Variants in PHEX observed in about 807,000 individuals in gnomAD.
PHEX encodes the protein phosphate regulating endopeptidase X-linked.
PHEX carries 16 observed loss-of-function variants against 68.0 expected under a neutral mutation model. That is an observed-to-expected ratio of 0.24 (90% CI 0.16 to 0.36). The LOEUF is 0.36. PHEX is among the 10% of genes least tolerant of loss of function. The probability of loss-of-function intolerance (pLI) is 1.00; values close to 1 mark genes in which losing one functional copy is unlikely to be tolerated. For missense variants in PHEX, 480 were observed against 575.5 expected (o/e 0.83, Z 1.70); for synonymous variants, 208 against 205.1 (o/e 1.01, Z -0.12).
chrX:22,224,995 C>CCTACAGCGCTGTATG (rs1935439800), intron 18 of PHEX, among the ~76,000 whole-genome samples: 1 of 3,205 alleles, frequency 3.1e-4, no homozygotes, highest in African/African-American at 1.2e-3. Flanking sequence ...CTCTGTATGT[C>CCTACAGCGCTGTATG]AGAAGTCTGA....
Position 22,159,905 on chromosome X carries a change from CAG to C in PHEX, c.1405-8401_1405-8400del, listed in dbSNP as rs1933061809. 2.7e-5 allele frequency among the ~76,000 whole-genome samples: 3 copies of C among 112,241 alleles called. No homozygotes were observed. In the Admixed American group the frequency reaches 2.8e-4, roughly 11 times the overall value. ...TTCTACAGACGAGGAACCTGAGGAA[CAG>C]AGAGATTCAGAAAATTCAGCTATTG... On this transcript the variant is annotated intron_variant, in intron 12 of 21. Coordinates refer to ENST00000379374, the MANE Select transcript of PHEX (RefSeq NM_000444.6).
Position 22,042,078 on chromosome X carries a change from G to A in PHEX, c.187+3541G>A, listed in dbSNP as rs752036785. On this transcript the variant is annotated intron_variant, in intron 2 of 21. Transcript: ENST00000379374. ...TGCAGAACAGCTGTGAGTACACATG[G>A]CAGGAGAATTACGGCCAAGCCAGGG... is the stretch of plus-strand genomic sequence containing the variant. 4.5e-5 allele frequency among the ~76,000 whole-genome samples: 5 copies of A among 111,587 alleles called. No homozygotes were observed. The South Asian group carries it at 1.5e-3, about 34-fold the overall frequency.
At chrX:22,211,610 G>A (rs759673183) in intron 15 of PHEX, among the ~76,000 whole-genome samples, 4 of 112,056 alleles carry the variant, frequency 3.6e-5, no homozygotes, top group Non-Finnish European at 7.5e-5. Context: ...CTTAATACAT[G>A]TACATTCTAC....
intron 2 of PHEX, among the ~76,000 whole-genome samples, chrX:22,041,265 C>CTCTCTCTCTCTCTCTATATA (rs1468778300): frequency 1.4e-5 from 1 of 72,823 alleles, no homozygotes; most frequent in African/African-American, 6.3e-5. Flanking sequence ...CTCTCTCTCT[C>CTCTCTCTCTCTCTCTATATA]TATATATATA....
In PHEX at chrX:22,247,766, C is replaced by A. The variant is rs770668374; in HGVS notation, c.2148-85C>A. 4.4e-6 allele frequency: 3 copies of A among 677,249 alleles called. No homozygotes were observed. The African/African-American group carries it at 6.4e-5, about 14-fold the overall frequency. The allele number at this position is 677,249 out of a possible 1,213,427, so 55.8% of individuals were successfully genotyped here. ...GATTAAAAGAATGCCAACCTTCTTT[C>A]TAGCAATATTCTGCTACAGTTTTAT... On this transcript the variant is annotated intron_variant, in intron 21 of 21. Coordinates refer to ENST00000379374, the MANE Select transcript of PHEX (RefSeq NM_000444.6).
At position 22,038,536 on chromosome X, in the gene PHEX, G is replaced by A. The variant is rs751752229; in HGVS notation, c.186G>A (p.Ala62=). The change falls in exon 2 of 22, where the codon GCG becomes GCA. Residue 62 remains alanine, a splice_region_variant and synonymous_variant. Transcript: ENST00000379374. The part of the protein sequence containing the change: ...EYCLKPECIE[A]AAAILSKVNL... Reference sequence around the variant, plus strand: ...GCCTGAAGCCAGAATGCATCGAAGCGGGTAAGTCACAGTTTTCCATCCTGT... The same window carrying A: ...GCCTGAAGCCAGAATGCATCGAAGCAGGTAAGTCACAGTTTTCCATCCTGT... 5 of 1,162,649 alleles carry A rather than the reference G, an allele frequency of 4.3e-6. No individual in the cohort carries two copies. The highest frequency in any genetic ancestry group is 3.6e-5 in the South Asian group (2 of 55,642).
chrX:22,170,898 C>T (rs1283898950), intron 13 of PHEX, among the ~76,000 whole-genome samples: 2 of 112,192 alleles, frequency 1.8e-5, no homozygotes, highest in Non-Finnish European at 3.8e-5. Context: ...TCTCTGGGGC[C>T]TGAACTGAAG....
chrX:22,183,668 A>G (rs934220312), intron 14 of PHEX, among the ~76,000 whole-genome samples: 22 of 110,931 alleles, frequency 2.0e-4, no homozygotes, highest in Admixed American at 3.9e-4. Context: ...TCACAGATCT[A>G]TATAATCTTG....
intron 12 of PHEX, among the ~76,000 whole-genome samples, chrX:22,148,066 A>G (rs1411515215): frequency 9.0e-6 from 1 of 111,398 alleles, no homozygotes; most frequent in African/African-American, 3.3e-5. Context: ...TTGCTGGCTT[A>G]AAACAAGTAT....
chrX:22,090,413 G>GT lies in PHEX; in HGVS notation c.664-11dup. 1 of 1,190,449 alleles carries GT rather than the reference G, an allele frequency of 8.4e-7. No individual in the cohort carries two copies. The highest frequency in any genetic ancestry group is 1.1e-6 in the Non-Finnish European group (1 of 876,425). Reference sequence around the variant, plus strand: ...TTACAGTGCTAGCAGAATGCTTTCTGTTTTTGTTTTTACAGCTGGACCAAG... The same window carrying GT: ...TTACAGTGCTAGCAGAATGCTTTCTGTTTTTTGTTTTTACAGCTGGACCAAG... On this transcript the variant is annotated splice_polypyrimidine_tract_variant and intron_variant, in intron 5 of 21. Transcript: ENST00000379374.
intron 5 of PHEX, among the ~76,000 whole-genome samples, chrX:22,078,608 G>A (rs1368796416): frequency 8.9e-6 from 1 of 111,786 alleles, no homozygotes; most frequent in East Asian, 2.8e-4. Context: ...AAAGTTCATC[G>A]TTTGATTGAA....
rs749596564 is a variant in PHEX, at chrX:22,135,090, C to T, written c.1404+1466C>T. The stretch of plus-strand genomic sequence containing the variant: ...ACTTTTGTCAGTAGATGTGAAAAGG[C>T]GTTTGTTCAGTGTTTATAATGAAGG... On this transcript the variant is annotated intron_variant, in intron 12 of 21. Coordinates refer to ENST00000379374, the MANE Select transcript of PHEX (RefSeq NM_000444.6). Among the ~76,000 whole-genome samples, 4 of 112,027 alleles carry T rather than the reference C, an allele frequency of 3.6e-5. No homozygotes were observed. In the East Asian group the frequency reaches 1.1e-3, roughly 31 times the overall value.
At chrX:22,151,933 G>C (rs7885919) in intron 12 of PHEX, among the ~76,000 whole-genome samples, 5 of 111,700 alleles carry the variant, frequency 4.5e-5, no homozygotes, top group Non-Finnish European at 7.5e-5. Context: ...AATTCTATCT[G>C]TGTGTGTCTT....
intron 18 of PHEX, among the ~76,000 whole-genome samples, chrX:22,224,827 G>T (rs1414351588): frequency 9.6e-6 from 1 of 104,700 alleles, no homozygotes; most frequent in South Asian, 4.4e-4. Context: ...GGGTGACTGG[G>T]CTAGCTTAAA....
chrX:22,232,596 CTTTTTTTTTTTTT>C (rs745474280), intron 20 of PHEX, among the ~76,000 whole-genome samples: 61 of 18,550 alleles, frequency 3.3e-3, no homozygotes, highest in African/African-American at 8.8e-3. Context: ...GCCACTTCTG[CTTTTTTTTTTTTT>C]TTTTTTTTTT....
chrX:22,214,810 G>A (rs1180716272), intron 16 of PHEX, among the ~76,000 whole-genome samples: 3 of 111,517 alleles, frequency 2.7e-5, no homozygotes, highest in Non-Finnish European at 5.6e-5. Context: ...CTTACTACAG[G>A]GAAGCACCAT....
chrX:22,049,688 C>G (rs934331887), intron 3 of PHEX, among the ~76,000 whole-genome samples: 1 of 108,847 alleles, frequency 9.2e-6, no homozygotes, highest in Non-Finnish European at 1.9e-5. Context: ...CCTAACATAG[C>G]GAAACCCCGG....
chrX:22,076,239 G>A lies in PHEX; in HGVS notation c.350-149G>A. The A allele has an allele frequency of 2.8e-5, 14 of 494,895 alleles. No individual in the cohort carries two copies. In the South Asian group the frequency reaches 3.8e-4, roughly 13 times the overall value. 40.8% of individuals were successfully genotyped at this position (494,895 alleles called of 1,213,427 possible). A position where few individuals can be genotyped will look rare whatever the true frequency, so the allele number is the denominator to read the frequency against. On this transcript the variant is annotated intron_variant, in intron 3 of 21. Coordinates refer to ENST00000379374, the MANE Select transcript of PHEX (RefSeq NM_000444.6). ...CATGCAACTTGGAATCTGTTCTGTT[G>A]TCTGCATATCTTTGATAGATTTGTC...
chrX:22,103,600 C>T (rs1401957390), intron 9 of PHEX, among the ~76,000 whole-genome samples: 1 of 112,023 alleles, frequency 8.9e-6, no homozygotes. Flanking sequence ...TAATCATCTT[C>T]AGCTCTATCC....
Sources: allele counts gnomAD v4.1 joint callset (sites outside exome capture counted in the v4.1 genomes callset), GRCh38; gene constraint gnomAD v4.1.1; transcripts MANE v1.5; gene names NCBI Gene and HGNC (gene_info 2026-07-23, HGNC 2026-07-21).